The following GC variants were observed in gnomAD, a reference collection of about 807,000 sequenced individuals.
The protein encoded by GC is vitamin D-binding protein.
A neutral mutation model predicts 56.7 loss-of-function variants in GC; 43 were observed. The ratio of observed to expected loss-of-function variants is 0.76; its 90% CI spans 0.59 to 0.98. The LOEUF is 0.98. Among genes scored for constraint, GC ranks in the 50% least tolerant of loss-of-function variants. The pLI is 0.00. For synonymous variants in GC, 216 were observed against 202.7 expected, an observed-to-expected ratio of 1.07 and a Z score of -0.56; for missense variants, 529 against 545.9, an observed-to-expected ratio of 0.97 and a Z score of 0.31.
chr4:71,761,698 A>C (rs912352201), intron 6 of GC, among the ~76,000 whole-genome samples: 3 of 152,176 alleles, frequency 2.0e-5, no homozygotes, highest in Non-Finnish European at 2.9e-5. Flanking sequence ...GGTGCCCTGC[A>C]TTCCAGCTGC....
upstream of GC, chr4:71,804,060 G>A (rs1743308523): frequency 5.4e-6 from 4 of 736,348 alleles, no homozygotes; most frequent in African/African-American, 5.2e-5. Context: ...CATCAACGTT[G>A]GTCTTAGACA....
intron 1 of GC, among the ~76,000 whole-genome samples, chr4:71,796,547 C>T (rs1254028689): frequency 6.6e-6 from 1 of 152,140 alleles, no homozygotes; most frequent in Non-Finnish European, 1.5e-5. Context: ...ACTGTTTATT[C>T]TAGTTAGCCA....
At chr4:71,792,973 A>T (rs1379204252) in intron 1 of GC, among the ~76,000 whole-genome samples, 2 of 151,756 alleles carry the variant, frequency 1.3e-5, no homozygotes, top group Non-Finnish European at 2.9e-5. Flanking sequence ...ATGGTTGTAG[A>T]TGGGTGGTGT....
intron 1 of GC, among the ~76,000 whole-genome samples, chr4:71,772,159 A>C (rs1742364130): frequency 6.6e-6 from 1 of 152,120 alleles, no homozygotes; most frequent in Non-Finnish European, 1.5e-5. Flanking sequence ...GGGGATTATA[A>C]TCTAGTCTCT....
chr4:71,786,196 T>C (rs961845915), upstream of GC, among the ~76,000 whole-genome samples: 4 of 151,874 alleles, frequency 2.6e-5, no homozygotes, highest in Admixed American at 6.6e-5. Context: ...TTGGCTGAAT[T>C]TTCTAACTGA....
intron 4 of GC, among the ~76,000 whole-genome samples, chr4:71,764,981 C>T (rs1030071181): frequency 1.3e-5 from 2 of 152,056 alleles, no homozygotes; most frequent in Non-Finnish European, 2.9e-5. Flanking sequence ...CATATTTACA[C>T]GTACACGTCA....
chr4:71,761,965 G>A (rs1413162600), intron 6 of GC, among the ~76,000 whole-genome samples: 3 of 152,294 alleles, frequency 2.0e-5, no homozygotes, highest in Non-Finnish European at 4.4e-5. Context: ...TGTGGGTGTG[G>A]AACCTCCAAA....
rs1742771268 is a variant in GC at position 71,784,077 on chromosome 4, G to A, written c.-59C>T. On this transcript the variant is annotated 5_prime_UTR_variant, in exon 1 of 13. Transcript: ENST00000273951. Reference sequence around the variant, plus strand: ...CTCCTGTAGGTGACCATGTAAAAGTGGTAGCCAAAAGTAATTGGTTTCCTT... The same window carrying A: ...CTCCTGTAGGTGACCATGTAAAAGTAGTAGCCAAAAGTAATTGGTTTCCTT... 1 of 1,554,704 alleles carries A rather than the reference G, an allele frequency of 6.4e-7. No homozygotes were observed. The highest frequency in any genetic ancestry group is 8.7e-7 in the Non-Finnish European group (1 of 1,154,866).
chr4:71,775,377 G>A (rs1742474646), intron 1 of GC, among the ~76,000 whole-genome samples: 1 of 151,810 alleles, frequency 6.6e-6, no homozygotes, highest in Non-Finnish European at 1.5e-5. Flanking sequence ...ACAAGGGCTG[G>A]CACAGTCATA....
intron 12 of GC, 75 bp from the exon 13 acceptor site, chr4:71,741,945 G>A: frequency 2.8e-6 from 2 of 701,928 alleles, no homozygotes; most frequent in Non-Finnish European, 5.2e-6. Context: ...TTGCTCAACA[G>A]ACGCATATAA....
chr4:71,771,088 A>C (rs1034060616), intron 1 of GC, among the ~76,000 whole-genome samples: 3 of 152,128 alleles, frequency 2.0e-5, no homozygotes, highest in East Asian at 1.9e-4. Context: ...GAAGTATATA[A>C]ATTGCTTACT....
intron 6 of GC, 138 bp downstream of exon 6, chr4:71,763,270 A>C: frequency 2.3e-6 from 1 of 427,016 alleles, no homozygotes; most frequent in South Asian, 7.4e-5. Flanking sequence ...GAATTTGGCC[A>C]GATTTTTGGA....
intron 1 of GC, among the ~76,000 whole-genome samples, chr4:71,776,442 A>C (rs1208006807): frequency 1.3e-5 from 2 of 151,832 alleles, no homozygotes; most frequent in Non-Finnish European, 2.9e-5. Flanking sequence ...CATATATGGA[A>C]TCTGAAAAAG....
intron 1 of GC, among the ~76,000 whole-genome samples, chr4:71,793,582 A>G (rs1027135378): frequency 6.6e-6 from 1 of 152,186 alleles, no homozygotes; most frequent in Non-Finnish European, 1.5e-5. Flanking sequence ...TTCTAAATAT[A>G]CAATCATGTC....
At chr4:71,766,189 C>T (rs532818397) in intron 3 of GC, among the ~76,000 whole-genome samples, 27 of 152,124 alleles carry the variant, frequency 1.8e-4, no homozygotes, top group Non-Finnish European at 2.4e-4. Context: ...ATTCTTGAAC[C>T]GGCTTTTGCA....
intron 1 of GC, among the ~76,000 whole-genome samples, chr4:71,789,500 G>C (rs1742921487): frequency 6.6e-6 from 1 of 151,788 alleles, no homozygotes; most frequent in African/African-American, 2.4e-5. Context: ...AAAGTTTTCA[G>C]GATCATATTG....
chr4:71,758,321 T>A (rs1461251770), intron 6 of GC, 150 bp from the exon 7 acceptor site: 2 of 637,222 alleles, frequency 3.1e-6, no homozygotes, highest in Non-Finnish European at 5.4e-6. Context: ...GCGATAGATC[T>A]TATGTACCCA....
intron 1 of GC, among the ~76,000 whole-genome samples, chr4:71,773,657 C>A (rs1742411198): frequency 6.6e-6 from 1 of 151,930 alleles, no homozygotes; most frequent in African/African-American, 2.4e-5. Context: ...TAATTTGGCT[C>A]CCTAGAACAG....
Position 71,752,632 on chromosome 4 carries a change from T to C in GC, c.1281A>G (p.Lys427=), listed in dbSNP as rs768760465. 6.2e-7 allele frequency: 1 copy of C among 1,613,122 alleles called. No homozygotes were observed. Among genetic ancestry groups the C allele is most frequent in the South Asian group, 1.1e-5 (1 of 91,030 alleles). Residue 427 remains lysine (K), a synonymous_variant, in exon 11 of 13, where the codon AAA becomes AAG. Coordinates refer to ENST00000273951, the MANE Select transcript of GC (RefSeq NM_000583.4). ...EYKKKLAERL[K]AKLPDATPTE... ...TGGGTGTGGCATCAGGCAATTTTGC[T>C]TTTAGTCGCTCTGCCAGTCTGAAAA...
Sources: gnomAD v4.1 joint callset for allele counts (sites outside exome capture counted in the v4.1 genomes callset) on GRCh38, gnomAD v4.1.1 for gene constraint, MANE v1.5 for transcripts, NCBI Gene and HGNC (gene_info 2026-07-23, HGNC 2026-07-21) for gene names.